The following DLG2 variants were observed in gnomAD, a reference collection of about 807,000 sequenced individuals.
DLG2 encodes discs large MAGUK scaffold protein 2, also known as disks large homolog 2.
In DLG2, 45 loss-of-function variants were observed where a neutral mutation model predicts 132.5. The observed-to-expected ratio is 0.34, with a 90% CI of 0.27 to 0.44. The LOEUF (loss-of-function observed/expected upper bound fraction) is 0.44. DLG2 is among the 20% of genes least tolerant of loss of function. DLG2 has a pLI of 1.00. For missense variants in DLG2, 1,045 were observed against 1,196.9 expected, an observed-to-expected ratio of 0.87 and a Z score of 1.87; for synonymous variants, 424 against 419.6, an observed-to-expected ratio of 1.01 and a Z score of -0.13.
chr11:85,257,682 T>C (rs2076737330), intron 4 of DLG2, among the ~76,000 whole-genome samples: 1 of 152,190 alleles, frequency 6.6e-6, no homozygotes, highest in South Asian at 2.1e-4. Context: ...CCTAAATCTA[T>C]TTGTACAATA....
intron 6 of DLG2, among the ~76,000 whole-genome samples, chr11:84,873,309 C>A (rs768728915): frequency 1.3e-5 from 2 of 152,164 alleles, no homozygotes; most frequent in Non-Finnish European, 2.9e-5. Flanking sequence ...GAAATGCAGG[C>A]AGCCTCTAGA....
At chr11:84,276,041 T>C (rs1598890491) in intron 7 of DLG2, among the ~76,000 whole-genome samples, 4 of 152,154 alleles carry the variant, frequency 2.6e-5, no homozygotes, top group African/African-American at 9.7e-5. Context: ...AAATCAATGA[T>C]TACCCAGCTT....
chr11:84,551,120 GT>G (rs2154524120), intron 6 of DLG2, among the ~76,000 whole-genome samples: 1 of 152,262 alleles, frequency 6.6e-6, no homozygotes, highest in Non-Finnish European at 1.5e-5. Context: ...AAGGCAGAAA[GT>G]GTGGCCCTAT....
At chr11:84,093,945 A>AG (rs2097131937) in intron 10 of DLG2, among the ~76,000 whole-genome samples, 2 of 151,058 alleles carry the variant, frequency 1.3e-5, no homozygotes, top group Admixed American at 6.6e-5. Flanking sequence ...TGCTTACCAC[A>AG]GTGGGTCTTT....
At chr11:83,787,340 T>TTTTTTTTCTTG (rs66699053) in intron 17 of DLG2, among the ~76,000 whole-genome samples, 1 of 102,756 alleles carries the variant, frequency 9.7e-6, no homozygotes, top group Admixed American at 1.1e-4. Flanking sequence ...TTTTTTTTTT[T>TTTTTTTTCTTG]AGACAGAGTC....
chr11:83,985,480 G>T (rs2093199611), intron 11 of DLG2, among the ~76,000 whole-genome samples: 1 of 151,988 alleles, frequency 6.6e-6, no homozygotes, highest in African/African-American at 2.4e-5. Context: ...GAATCCATTA[G>T]CTATTCTTCC....
intron 10 of DLG2, among the ~76,000 whole-genome samples, chr11:84,097,364 T>G (rs971839786): frequency 2.6e-5 from 4 of 152,180 alleles, no homozygotes; most frequent in Non-Finnish European, 5.9e-5. Flanking sequence ...TTTATCAGCT[T>G]GGCCTGCCTT....
chr11:85,211,681 C>T (rs1325688726), intron 4 of DLG2, among the ~76,000 whole-genome samples: 2 of 152,050 alleles, frequency 1.3e-5, no homozygotes, highest in Non-Finnish European at 2.9e-5. Flanking sequence ...TTTTCTAGCT[C>T]AAGCTTCAAA....
intron 10 of DLG2, among the ~76,000 whole-genome samples, chr11:84,060,897 G>A (rs1241960945): frequency 6.6e-6 from 1 of 152,034 alleles, no homozygotes; most frequent in Non-Finnish European, 1.5e-5. Flanking sequence ...CTACCACCCT[G>A]GTTGAAATCA....
At chr11:84,608,069 T>C (rs2099588925) in intron 6 of DLG2, among the ~76,000 whole-genome samples, 1 of 152,066 alleles carries the variant, frequency 6.6e-6, no homozygotes. Flanking sequence ...TTGAAGACAA[T>C]TCCTTATAAG....
chr11:83,520,068 G>GA (rs2095424060), intron 21 of DLG2, among the ~76,000 whole-genome samples: 2 of 152,262 alleles, frequency 1.3e-5, no homozygotes, highest in South Asian at 4.1e-4. Flanking sequence ...GGCCTTCCAG[G>GA]AAAAACCACC....
chr11:84,373,765 A>C (rs945516889), intron 7 of DLG2, among the ~76,000 whole-genome samples: 1 of 152,084 alleles, frequency 6.6e-6, no homozygotes, highest in Admixed American at 6.6e-5. Context: ...TATTTTTAAG[A>C]TGTTCTTAAA....
intron 18 of DLG2, among the ~76,000 whole-genome samples, chr11:83,758,612 T>A (rs2093757644): frequency 1.3e-5 from 2 of 152,162 alleles, no homozygotes; most frequent in Non-Finnish European, 2.9e-5. Context: ...TGTCCTAATG[T>A]GTACCATAAA....
intron 5 of DLG2, among the ~76,000 whole-genome samples, chr11:85,145,960 G>GT (rs2076809428): frequency 6.6e-6 from 1 of 152,110 alleles, no homozygotes; most frequent in Admixed American, 6.6e-5. Flanking sequence ...CAGCTTGTTT[G>GT]TACCTATCCT....
chr11:85,062,334 A>G (rs1457948886), intron 6 of DLG2, among the ~76,000 whole-genome samples: 1 of 151,764 alleles, frequency 6.6e-6, no homozygotes, highest in African/African-American at 2.4e-5. Flanking sequence ...TTCCAGGTAA[A>G]AATTTCATAT....
chr11:83,866,767 T>C (rs10898163), intron 16 of DLG2, among the ~76,000 whole-genome samples: 85,226 of 151,876 alleles, frequency 0.56, 24,119 homozygotes, highest in Middle Eastern at 0.62. Context: ...AATAAACATC[T>C]CTAACTTCAA....
Position 83,459,895 on chromosome 11 carries a change from T to G in DLG2, c.2851A>C (p.Ile951Leu). The G allele has an allele frequency of 1.2e-6, 2 of 1,607,000 alleles. No individual in the cohort carries two copies. The highest frequency in any genetic ancestry group is 2.2e-5 in the South Asian group (2 of 90,922). Residue 951 changes from isoleucine (I) to leucine (L), a missense_variant, in exon 28 of 28, where the codon ATA becomes CTA. This residue lies in a region of DLG2 where 398 missense variants were observed against 543.6 expected (regional missense o/e 0.73). Coordinates refer to ENST00000376104, the MANE Select transcript of DLG2 (RefSeq NM_001142699.3). ...ATAACAAGCTTGCATTGGTTATATA[T>G]ATCTTCTAAAGTATCTCCTTGGACA... ...AIVQGDTLEDIYNQCKLVIEE... is the reference protein window; with the variant it reads ...AIVQGDTLEDLYNQCKLVIEE...
chr11:84,752,836 G>A (rs2066346551), intron 6 of DLG2, among the ~76,000 whole-genome samples: 1 of 146,352 alleles, frequency 6.8e-6, no homozygotes, highest in Non-Finnish European at 1.5e-5. Flanking sequence ...TTTTGTTCTT[G>A]CGATAGTTTA....
chr11:85,208,191 G>A (rs901137402), intron 4 of DLG2, among the ~76,000 whole-genome samples: 7 of 152,042 alleles, frequency 4.6e-5, no homozygotes, highest in Admixed American at 2.0e-4. Flanking sequence ...AGATCACACA[G>A]GTGGTAATCA....
Sources: allele counts gnomAD v4.1 joint callset (sites outside exome capture counted in the v4.1 genomes callset), GRCh38; gene constraint gnomAD v4.1.1; regional missense constraint gnomAD v4.1.1; transcripts MANE v1.5; gene names NCBI Gene and HGNC (gene_info 2026-07-23, HGNC 2026-07-21).